The following PDE10A variants were observed in gnomAD, a reference collection of about 807,000 sequenced individuals.
PDE10A encodes phosphodiesterase 10A.
In PDE10A, 39 loss-of-function variants were observed where a neutral mutation model predicts 97.7. That is an observed-to-expected ratio of 0.40 (90% CI 0.31 to 0.52). The LOEUF is 0.52. Among genes scored for constraint, PDE10A ranks in the 20% least tolerant of loss-of-function variants. The pLI is 0.56. For missense variants in PDE10A, 731 were observed against 1,047.8 expected (o/e 0.70, Z 4.17); for synonymous variants, 371 against 376.8 (o/e 0.98, Z 0.18).
At chr6:165,867,993 A>T (rs1456000061) in intron 1 of PDE10A, among the ~76,000 whole-genome samples, 4 of 152,100 alleles carry the variant, frequency 2.6e-5, no homozygotes, top group Non-Finnish European at 4.4e-5. Flanking sequence ...ATGGAAACAG[A>T]ATATTTCAAA....
intron 1 of PDE10A, among the ~76,000 whole-genome samples, chr6:165,633,079 C>CAA (rs5881651): frequency 7.3e-6 from 1 of 137,178 alleles, no homozygotes; most frequent in African/African-American, 2.6e-5. Flanking sequence ...GTCACCGTGT[C>CAA]AAAAAAAAAA....
intron 3 of PDE10A, among the ~76,000 whole-genome samples, chr6:165,478,925 AC>A: frequency 6.6e-6 from 1 of 152,246 alleles, no homozygotes; most frequent in South Asian, 2.1e-4. Flanking sequence ...CCTGGATGCT[AC>A]CTGGCCCCCA....
intron 10 of PDE10A, among the ~76,000 whole-genome samples, chr6:165,427,842 T>G (rs1315546104): frequency 1.3e-5 from 2 of 152,142 alleles, no homozygotes; most frequent in Non-Finnish European, 2.9e-5. Flanking sequence ...TAATGTACAA[T>G]TATTTTATTT....
intron 1 of PDE10A, among the ~76,000 whole-genome samples, chr6:165,609,676 C>T (rs1028391610): frequency 1.3e-5 from 2 of 152,134 alleles, no homozygotes; most frequent in African/African-American, 4.8e-5. Flanking sequence ...AATACAAAAT[C>T]GATGTGCAAA....
chr6:165,693,641 A>T (rs1791367451), intron 1 of PDE10A, among the ~76,000 whole-genome samples: 1 of 151,640 alleles, frequency 6.6e-6, no homozygotes, highest in Admixed American at 6.6e-5. Context: ...CTATTATTTT[A>T]AAACCTACAA....
chr6:165,465,175 A>G (rs920165259), intron 3 of PDE10A, among the ~76,000 whole-genome samples: 1 of 152,184 alleles, frequency 6.6e-6, no homozygotes, highest in Admixed American at 6.5e-5. Context: ...AAGGTGATCT[A>G]TATCACACAA....
intron 1 of PDE10A, among the ~76,000 whole-genome samples, chr6:165,594,958 C>T (rs1374869991): frequency 6.6e-6 from 1 of 152,182 alleles, no homozygotes; most frequent in African/African-American, 2.4e-5. Flanking sequence ...TTATGATTAT[C>T]CGCAATCTAC....
At chr6:165,839,971 T>TCATCCCCATCCCCATCTCCAATTC in intron 1 of PDE10A, among the ~76,000 whole-genome samples, 2 of 48,928 alleles carry the variant, frequency 4.1e-5, no homozygotes, top group African/African-American at 7.4e-5. Context: ...ATCTCTGTCT[T>TCATCCCCATCCCCATCTCCAATTC]CATCCCCATC....
intron 1 of PDE10A, chr6:165,774,885 C>T (rs1315495847): frequency 2.0e-5 from 3 of 148,998 alleles, no homozygotes; most frequent in African/African-American, 7.4e-5. Context: ...TAAAAAAATC[C>T]CCCAAGAGCT....
At chr6:165,555,248 G>A (rs926147349) in intron 1 of PDE10A, among the ~76,000 whole-genome samples, 1 of 152,066 alleles carries the variant, frequency 6.6e-6, no homozygotes, top group Admixed American at 6.6e-5. Context: ...CTTTCACATT[G>A]CATGCCTGTA....
chr6:165,768,754 C>T (rs957787135), intron 1 of PDE10A, among the ~76,000 whole-genome samples: 1 of 152,142 alleles, frequency 6.6e-6, no homozygotes, highest in Non-Finnish European at 1.5e-5. Context: ...GGGCATTTAA[C>T]TTTGTAACTC....
intron 1 of PDE10A, among the ~76,000 whole-genome samples, chr6:165,826,546 C>T (rs555165029): frequency 7.0e-6 from 1 of 142,900 alleles, no homozygotes; most frequent in Non-Finnish European, 1.6e-5. Context: ...CCTCTGTCCC[C>T]GTCTCTCTCT....
At chr6:165,458,234 C>A (rs142061966) in intron 3 of PDE10A, among the ~76,000 whole-genome samples, 1 of 152,028 alleles carries the variant, frequency 6.6e-6, no homozygotes, top group East Asian at 1.9e-4. Flanking sequence ...CCTTGTATAC[C>A]TTTTACCCAG....
intron 1 of PDE10A, among the ~76,000 whole-genome samples, chr6:165,715,449 A>G (rs371194409): frequency 7.2e-5 from 11 of 152,324 alleles, no homozygotes; most frequent in Middle Eastern, 3.4e-3. Flanking sequence ...ATTTTCCCCA[A>G]ATCGACCATC....
At chr6:165,873,734 C>T (rs1161465108) in intron 1 of PDE10A, among the ~76,000 whole-genome samples, 3 of 152,012 alleles carry the variant, frequency 2.0e-5, no homozygotes, top group Admixed American at 2.0e-4. Flanking sequence ...AAAAAATTGC[C>T]CTTTTTAATT....
intron 1 of PDE10A, among the ~76,000 whole-genome samples, chr6:165,751,109 T>A (rs774500765): frequency 5.9e-5 from 9 of 152,098 alleles, no homozygotes; most frequent in African/African-American, 7.2e-5. Flanking sequence ...GTGGGTGCCG[T>A]CTTCACCTGC....
At chr6:165,623,322 C>T (rs913577492) in intron 1 of PDE10A, among the ~76,000 whole-genome samples, 4 of 152,070 alleles carry the variant, frequency 2.6e-5, no homozygotes, top group African/African-American at 7.2e-5. Flanking sequence ...TTCGCCATGT[C>T]GTCCAGCCTG....
chr6:165,497,167 G>A (rs1403669100), intron 2 of PDE10A, among the ~76,000 whole-genome samples: 1 of 152,080 alleles, frequency 6.6e-6, no homozygotes, highest in Non-Finnish European at 1.5e-5. Flanking sequence ...TTTCTTCTCT[G>A]AGAGATTATA....
intron 1 of PDE10A, among the ~76,000 whole-genome samples, chr6:165,911,680 T>C (rs935651982): frequency 2.6e-5 from 4 of 152,228 alleles, no homozygotes; most frequent in Non-Finnish European, 5.9e-5. Flanking sequence ...AGTCATTCAG[T>C]GGGTATGGAT....
Sources: allele counts gnomAD v4.1 joint callset (sites outside exome capture counted in the v4.1 genomes callset), GRCh38; gene constraint gnomAD v4.1.1; transcripts MANE v1.5; gene names NCBI Gene and HGNC (gene_info 2026-07-23, HGNC 2026-07-21).